BANF2: variants seen among roughly 807,000 people sequenced by gnomAD.
BANF2 encodes BANF family member 2, also known as barrier-to-autointegration factor-like protein.
In BANF2, 4 loss-of-function variants were observed where a neutral mutation model predicts 8.0. The ratio of observed to expected loss-of-function variants is 0.50; its 90% CI spans 0.25 to 1.14. The LOEUF (loss-of-function observed/expected upper bound fraction) is 1.14. Among genes scored for constraint, BANF2 ranks in the 50% most tolerant of loss-of-function variants. The pLI, the probability that BANF2 is intolerant of heterozygous loss-of-function variation, is 0.16. For synonymous variants in BANF2, 50 were observed against 40.6 expected (o/e 1.23, Z -0.88); for missense variants, 96 against 107.5 (o/e 0.89, Z 0.47).
chr20:17,701,402 T>C (rs1472750390), intron 1 of BANF2, among the ~76,000 whole-genome samples: 1 of 152,222 alleles, frequency 6.6e-6, no homozygotes, highest in Non-Finnish European at 1.5e-5. Context: ...AAGACTGTTC[T>C]GTGCTGGTGC....
chr20:17,701,787 G>A (rs759353813), intron 1 of BANF2, among the ~76,000 whole-genome samples: 2 of 152,188 alleles, frequency 1.3e-5, no homozygotes, highest in African/African-American at 2.4e-5. Context: ...AACCCAGGCT[G>A]GTTGAGGGAG....
At chr20:17,711,341 G>T (rs779470657) in intron 1 of BANF2, among the ~76,000 whole-genome samples, 5 of 152,230 alleles carry the variant, frequency 3.3e-5, no homozygotes, top group Non-Finnish European at 5.9e-5. Context: ...AGTGGAGTCA[G>T]TTACAGATTC....
rs2037738420 is a variant in BANF2 at position 17,722,055 on chromosome 20, G to A, written c.-166-661G>A. Among the ~76,000 whole-genome samples the A allele has an allele frequency of 2.0e-5, 3 of 152,200 alleles. No homozygotes were observed. In the South Asian group the frequency reaches 6.2e-4, roughly 32 times the overall value. On this transcript the variant is annotated intron_variant, in intron 1 of 3. Coordinates refer to ENST00000246090, the MANE Select transcript of BANF2 (RefSeq NM_178477.5). Reference sequence around the variant, plus strand: ...TCTGGACATTACCAGTGTTCCCTGGGGAGGGGGTCCAATGGCCCCCAGTTG... The same window carrying A: ...TCTGGACATTACCAGTGTTCCCTGGAGAGGGGGTCCAATGGCCCCCAGTTG...
rs141324299 is a variant in BANF2 at position 17,721,889 on chromosome 20, A to AT, written c.-166-826dup. ...TATAGCCCAGGGTTTCTTAACCTCG[A>AT]TGGTATTGACACCTAGGGCCAGATA... is the stretch of plus-strand genomic sequence containing the variant. On this transcript the variant is annotated intron_variant, in intron 1 of 3. Transcript: ENST00000246090. Among the ~76,000 whole-genome samples, 891 of 152,268 alleles carry AT rather than the reference A, an allele frequency of 5.9e-3. 5 individuals carry two copies. Among genetic ancestry groups the AT allele is most frequent in the East Asian group, 0.019 (99 of 5,178 alleles).
intron 1 of BANF2, among the ~76,000 whole-genome samples, chr20:17,705,928 G>C (rs1374925648): frequency 6.6e-6 from 1 of 152,182 alleles, no homozygotes; most frequent in East Asian, 1.9e-4. Flanking sequence ...AGGGTTTGTG[G>C]GCTTCTATGG....
chr20:17,697,795 A>G (rs2037359072), upstream of BANF2, among the ~76,000 whole-genome samples: 1 of 152,084 alleles, frequency 6.6e-6, no homozygotes, highest in Non-Finnish European at 1.5e-5. Flanking sequence ...AAGTGATTGC[A>G]ATGTTGGAAG....
chr20:17,731,201 T>G (rs1291930578), intron 3 of BANF2: 1 of 152,236 alleles, frequency 6.6e-6, no homozygotes, highest in Admixed American at 6.5e-5. Flanking sequence ...AGGTGGAGGT[T>G]GCAGTGAGCC....
At chr20:17,719,321 G>A (rs781647635) in intron 1 of BANF2, among the ~76,000 whole-genome samples, 38 of 152,036 alleles carry the variant, frequency 2.5e-4, no homozygotes, top group African/African-American at 8.2e-4. Flanking sequence ...TAGTAGAGAC[G>A]GGGTTTCACC....
intron 1 of BANF2, among the ~76,000 whole-genome samples, chr20:17,707,613 C>T (rs12481100): frequency 0.2 from 30,981 of 151,704 alleles, 3,439 homozygotes; most frequent in East Asian, 0.43. Flanking sequence ...GAGTTTTGCT[C>T]TTATTGCCCA....
At chr20:17,713,733 G>A (rs1193033795) in intron 1 of BANF2, among the ~76,000 whole-genome samples, 1 of 151,990 alleles carries the variant, frequency 6.6e-6, no homozygotes, top group Non-Finnish European at 1.5e-5. Flanking sequence ...TACTCACCAG[G>A]CTGAAGCAAG....
chr20:17,709,714 C>A (rs150784471), intron 1 of BANF2, among the ~76,000 whole-genome samples: 14 of 152,160 alleles, frequency 9.2e-5, no homozygotes, highest in Non-Finnish European at 1.6e-4. Flanking sequence ...GAGGCCCACT[C>A]GGTTTGAGGC....
intron 1 of BANF2, among the ~76,000 whole-genome samples, chr20:17,722,056 G>A (rs2037738475): frequency 6.6e-6 from 1 of 152,328 alleles, no homozygotes; most frequent in South Asian, 2.1e-4. Context: ...GTTCCCTGGG[G>A]AGGGGGTCCA....
At chr20:17,735,633 C>T in intron 3 of BANF2, 32 bp from the exon 4 acceptor site, 1 of 1,606,102 alleles carries the variant, frequency 6.2e-7, no homozygotes. Context: ...ATAACCTTTC[C>T]TGCTTTCCTC....
intron 1 of BANF2, among the ~76,000 whole-genome samples, chr20:17,719,262 T>C (rs908119692): frequency 1.1e-4 from 16 of 152,236 alleles, no homozygotes; most frequent in East Asian, 3.9e-4. Flanking sequence ...GTAGCTGGAA[T>C]TACAGGTGCC....
At chr20:17,716,034 C>T (rs369818270) in intron 1 of BANF2, among the ~76,000 whole-genome samples, 4 of 152,060 alleles carry the variant, frequency 2.6e-5, no homozygotes, top group Admixed American at 6.5e-5. Flanking sequence ...TCCCACCCGC[C>T]GAGCAGCCCT....
intron 1 of BANF2, among the ~76,000 whole-genome samples, chr20:17,710,962 G>A (rs1476637822): frequency 6.6e-6 from 1 of 152,166 alleles, no homozygotes; most frequent in African/African-American, 2.4e-5. Flanking sequence ...GCCGCCAGAT[G>A]AAATCAGGAT....
upstream of BANF2, among the ~76,000 whole-genome samples, chr20:17,695,601 G>GGGGTGT (rs1555821692): frequency 6.0e-5 from 9 of 149,890 alleles, no homozygotes; most frequent in African/African-American, 2.2e-4. Flanking sequence ...AAAAACCTAG[G>GGGGTGT]GTGTGTGTGT....
At chr20:17,696,874 G>C (rs1433371301), upstream of BANF2, among the ~76,000 whole-genome samples, 1 of 152,114 alleles carries the variant, frequency 6.6e-6, no homozygotes, top group Non-Finnish European at 1.5e-5. Flanking sequence ...ATGGGAACTG[G>C]ACTTGAAGAG....
At chr20:17,733,782 C>A (rs933327999) in intron 3 of BANF2, among the ~76,000 whole-genome samples, 5 of 152,126 alleles carry the variant, frequency 3.3e-5, no homozygotes, top group Non-Finnish European at 7.4e-5. Flanking sequence ...TTATCAACAA[C>A]TGGACCATGA....
Sources: allele counts gnomAD v4.1 joint callset (sites outside exome capture counted in the v4.1 genomes callset), GRCh38; gene constraint gnomAD v4.1.1; transcripts MANE v1.5; gene names NCBI Gene and HGNC (gene_info 2026-07-23, HGNC 2026-07-21).